RAPGEF4: variants seen among roughly 807,000 people sequenced by gnomAD.
RAPGEF4 encodes the protein Rap guanine nucleotide exchange factor 4.
A neutral mutation model predicts 147.9 loss-of-function variants in RAPGEF4; 66 were observed. The observed-to-expected ratio is 0.45, with a 90% CI of 0.37 to 0.55. The LOEUF (loss-of-function observed/expected upper bound fraction) is 0.55. RAPGEF4 is among the 20% of genes least tolerant of loss of function. The pLI is 0.00. For synonymous variants in RAPGEF4, 419 were observed against 442.7 expected (o/e 0.95, Z 0.67); for missense variants, 1,071 against 1,257.3 (o/e 0.85, Z 2.24).
intron 3 of RAPGEF4, among the ~76,000 whole-genome samples, chr2:172,809,780 A>C (rs1398484666): frequency 6.6e-6 from 1 of 151,698 alleles, no homozygotes; most frequent in Non-Finnish European, 1.5e-5. Flanking sequence ...CAAGCCCCTC[A>C]CCTCCCCTCC....
chr2:172,868,532 A>G (rs3754764), intron 4 of RAPGEF4, among the ~76,000 whole-genome samples: 15,186 of 152,244 alleles, frequency 0.1, 772 homozygotes, highest in South Asian at 0.15. Context: ...GGAAAGAGCC[A>G]TGTGTACAGC....
At chr2:172,753,123 G>A (rs139999953) in intron 1 of RAPGEF4, among the ~76,000 whole-genome samples, 71 of 152,028 alleles carry the variant, frequency 4.7e-4, no homozygotes, top group African/African-American at 1.5e-3. Flanking sequence ...ACTGCTTCTC[G>A]GAGGAACTTA....
intron 6 of RAPGEF4, among the ~76,000 whole-genome samples, chr2:172,938,862 A>C (rs1686866729): frequency 6.6e-6 from 1 of 152,230 alleles, no homozygotes; most frequent in South Asian, 2.1e-4. Flanking sequence ...CTGAAGCCAT[A>C]GAAACCACAA....
chr2:172,741,109 GATA>G lies in RAPGEF4; in HGVS notation c.65+5064_65+5066del, dbSNP rs370898459. On this transcript the variant is annotated intron_variant, in intron 1 of 30. Transcript: ENST00000397081. ...GAGCAACAGAGCCTGGGAATTGGAT[GATA>G]ATGAGAAGGCAGTTCTGGGAATCGT... 1.5e-3 allele frequency among the ~76,000 whole-genome samples: 226 copies of G among 152,314 alleles called. 2 individuals carry two copies. Among genetic ancestry groups the G allele is most frequent in the Middle Eastern group, 6.8e-3 (2 of 294 alleles).
chr2:173,011,166 G>GCACACA (rs796705219), intron 17 of RAPGEF4, among the ~76,000 whole-genome samples: 23 of 72,090 alleles, frequency 3.2e-4, no homozygotes, highest in African/African-American at 1.2e-3. Flanking sequence ...TTCAGCGCGC[G>GCACACA]CGCGCACACA....
intron 4 of RAPGEF4, among the ~76,000 whole-genome samples, chr2:172,889,045 C>T (rs1431767782): frequency 3.9e-5 from 6 of 152,150 alleles, no homozygotes; most frequent in Non-Finnish European, 7.4e-5. Context: ...ACTGTGAGTG[C>T]TGACGAACAA....
intron 4 of RAPGEF4, among the ~76,000 whole-genome samples, chr2:172,841,288 T>C (rs1691560382): frequency 1.3e-5 from 2 of 152,162 alleles, no homozygotes; most frequent in African/African-American, 2.4e-5. Flanking sequence ...CCTTCCCCCT[T>C]TCTTCCTTTC....
intron 3 of RAPGEF4, among the ~76,000 whole-genome samples, chr2:172,798,239 AT>A (rs1686586927): frequency 6.6e-6 from 1 of 152,178 alleles, no homozygotes; most frequent in Non-Finnish European, 1.5e-5. Context: ...TGTTCACAAG[AT>A]TTATGAATAT....
chr2:172,962,717 G>A (rs1341095263), intron 8 of RAPGEF4, among the ~76,000 whole-genome samples: 2 of 152,084 alleles, frequency 1.3e-5, no homozygotes, highest in African/African-American at 2.4e-5. Flanking sequence ...TTGAGAAAGT[G>A]CCTTAGTGTC....
intron 4 of RAPGEF4, among the ~76,000 whole-genome samples, chr2:172,871,104 G>A (rs145612865): frequency 6.6e-6 from 1 of 152,236 alleles, no homozygotes; most frequent in Non-Finnish European, 1.5e-5. Flanking sequence ...AAAAAAAGAG[G>A]CAGTTTCTTC....
In RAPGEF4 at chr2:173,018,732, C is replaced by G. The variant is rs190381610; in HGVS notation, c.2085C>G (p.Val695=). The change falls in exon 22 of 31, where the codon GTC becomes GTG. Residue 695 remains valine, a synonymous_variant. Transcript: ENST00000397081. ...CAGTGGCCACTTCGGTGAAGGAAGT[C>G]ATCAGTGCAGTTGCCGACAAGCTGG... ...RVPVATSVKE[V]ISAVADKLGS... 2 of 1,614,100 alleles carry G rather than the reference C, an allele frequency of 1.2e-6. No individual in the cohort carries two copies. Among genetic ancestry groups the G allele is most frequent in the Non-Finnish European group, 1.7e-6 (2 of 1,180,012 alleles).
intron 4 of RAPGEF4, among the ~76,000 whole-genome samples, chr2:172,871,103 G>A (rs1334721437): frequency 6.6e-6 from 1 of 152,120 alleles, no homozygotes; most frequent in African/African-American, 2.4e-5. Flanking sequence ...GAAAAAAAGA[G>A]GCAGTTTCTT....
rs1290568287 is a variant in RAPGEF4, at chr2:172,967,403, G to T, written c.963G>T (p.Gln321His). 6.2e-7 allele frequency: 1 copy of T among 1,611,784 alleles called. No homozygotes were observed. Among genetic ancestry groups the T allele is most frequent in the African/African-American group, 1.3e-5 (1 of 74,860 alleles). Residue 321 changes from glutamine to histidine, a missense_variant, in exon 10 of 31, where the codon CAG becomes CAT. Gln to His is a conservative substitution (Grantham distance 24). Transcript: ENST00000397081. ...ELQDTMLLLS[Q>H]MGPDAHMRMI... ...AGGACACCATGCTGCTGCTGTCACAGATGGGCCCCGACGCCCACATGAGGA... is the reference window on the plus strand; with the variant it reads ...AGGACACCATGCTGCTGCTGTCACATATGGGCCCCGACGCCCACATGAGGA...
chr2:172,885,505 GTGTTT>G (rs1575133551), intron 4 of RAPGEF4, among the ~76,000 whole-genome samples: 1 of 152,180 alleles, frequency 6.6e-6, no homozygotes, highest in Admixed American at 6.5e-5. Flanking sequence ...TACAAAAGAA[GTGTTT>G]TATTGGACTT....
At chr2:172,763,622 G>GC (rs1439462196) in intron 1 of RAPGEF4, among the ~76,000 whole-genome samples, 7 of 152,084 alleles carry the variant, frequency 4.6e-5, no homozygotes, top group Admixed American at 4.6e-4. Flanking sequence ...GTTTCAAGAA[G>GC]CCCCCCATGT....
chr2:172,813,457 C>T (rs553154057), intron 3 of RAPGEF4, among the ~76,000 whole-genome samples: 15 of 152,302 alleles, frequency 9.8e-5, no homozygotes, highest in Non-Finnish European at 1.6e-4. Flanking sequence ...CTAGTCACAC[C>T]GTACTTCATC....
intron 4 of RAPGEF4, among the ~76,000 whole-genome samples, chr2:172,872,916 A>C (rs1013615312): frequency 1.3e-5 from 2 of 152,058 alleles, no homozygotes; most frequent in African/African-American, 4.8e-5. Flanking sequence ...GGTGTTACAA[A>C]TCCCCTCTCA....
At chr2:172,916,627 T>G (rs1684102535) in intron 4 of RAPGEF4, among the ~76,000 whole-genome samples, 1 of 152,162 alleles carries the variant, frequency 6.6e-6, no homozygotes, top group Non-Finnish European at 1.5e-5. Context: ...AATCATGGTT[T>G]TAATGTTTGC....
intron 1 of RAPGEF4, among the ~76,000 whole-genome samples, chr2:172,743,863 C>A (rs534847871): frequency 1.3e-5 from 2 of 152,316 alleles, no homozygotes; most frequent in East Asian, 3.9e-4. Flanking sequence ...CCAGTTCTGA[C>A]TTTGTCCACC....
Sources: allele counts gnomAD v4.1 joint callset (sites outside exome capture counted in the v4.1 genomes callset), GRCh38; gene constraint gnomAD v4.1.1; transcripts MANE v1.5; gene names NCBI Gene and HGNC (gene_info 2026-07-23, HGNC 2026-07-21).